THSD7A: variants seen among roughly 807,000 people sequenced by gnomAD.
THSD7A encodes thrombospondin type-1 domain-containing protein 7A.
A neutral mutation model predicts 231.3 loss-of-function variants in THSD7A; 96 were observed. That is an observed-to-expected ratio of 0.41 (90% CI 0.35 to 0.49). THSD7A has a LOEUF of 0.49. Among genes scored for constraint, THSD7A ranks in the 20% least tolerant of loss-of-function variants. The probability of loss-of-function intolerance (pLI) is 0.05; values close to 1 mark genes in which losing one functional copy is unlikely to be tolerated. For synonymous variants in THSD7A, 940 were observed against 743.3 expected (o/e 1.26, Z -4.30); for missense variants, 2,290 against 2,070.2 (o/e 1.11, Z -2.06).
chr7:11,741,583 C>T (rs1562521252), intron 1 of THSD7A, among the ~76,000 whole-genome samples: 1 of 151,822 alleles, frequency 6.6e-6, no homozygotes, highest in Non-Finnish European at 1.5e-5. Flanking sequence ...GAATATTAGA[C>T]AAGTGAAACT....
At position 11,543,081 on chromosome 7, in the gene THSD7A, G is replaced by C. The variant is rs770493930; in HGVS notation, c.1490C>G (p.Pro497Arg). The C allele has an allele frequency of 3.1e-6, 5 of 1,612,958 alleles. No individual in the cohort carries two copies. The highest frequency in any genetic ancestry group is 8.5e-7 in the Non-Finnish European group (1 of 1,179,606). The change falls in exon 5 of 28, where the codon CCT (proline) becomes CGT (arginine). Residue 497 changes from proline (P) to arginine (R), a missense_variant. Physicochemically the swap from Pro to Arg is moderately radical, Grantham distance 103. Transcript: ENST00000423059. ...KPMDLKLCTGPIPNTTQLCHI... is the reference protein window; with the variant it reads ...KPMDLKLCTGRIPNTTQLCHI... ...GCACAGCTGTGTAGTATTAGGGATA[G>C]GTCCAGTGCATAATTTTAAGTCCAT...
intron 17 of THSD7A, among the ~76,000 whole-genome samples, chr7:11,416,825 C>A (rs1783977608): frequency 1.3e-5 from 2 of 152,122 alleles, no homozygotes; most frequent in Admixed American, 1.3e-4. Context: ...TGGATGAGCC[C>A]CTACTGGCTG....
At chr7:11,459,134 G>A (rs953694501) in intron 11 of THSD7A, among the ~76,000 whole-genome samples, 1 of 151,666 alleles carries the variant, frequency 6.6e-6, no homozygotes, top group Non-Finnish European at 1.5e-5. Flanking sequence ...TGATCTCTGG[G>A]TATTGTTTGT....
chr7:11,401,771 G>C, intron 23 of THSD7A, 24 bp downstream of exon 23: 1 of 1,572,522 alleles, frequency 6.4e-7, no homozygotes, highest in East Asian at 2.3e-5. Context: ...GCTTAAGATA[G>C]AGTATATGAA....
chr7:11,585,523 C>T (rs529343949), intron 4 of THSD7A, among the ~76,000 whole-genome samples: 2 of 152,246 alleles, frequency 1.3e-5, no homozygotes, highest in East Asian at 1.9e-4. Context: ...AAGTTCCCAC[C>T]GCATACGTCT....
At chr7:11,461,904 A>G in intron 10 of THSD7A, 107 bp downstream of exon 10, 20 of 1,382,370 alleles carry the variant, frequency 1.4e-5, no homozygotes, top group Non-Finnish European at 1.9e-5. Context: ...AACTCCATTG[A>G]GCCTGTGGAA....
chr7:11,538,453 G>C (rs1488962135), intron 6 of THSD7A, among the ~76,000 whole-genome samples: 1 of 152,098 alleles, frequency 6.6e-6, no homozygotes, highest in Non-Finnish European at 1.5e-5. Context: ...AGCCTGGTTT[G>C]TTCAGCCTCT....
intron 1 of THSD7A, among the ~76,000 whole-genome samples, chr7:11,643,770 C>T (rs945957741): frequency 1.3e-5 from 2 of 151,912 alleles, no homozygotes; most frequent in African/African-American, 2.4e-5. Context: ...TTAGGTCTTT[C>T]CTGATTATTT....
chr7:11,390,729 T>C (rs1207415623), intron 23 of THSD7A, among the ~76,000 whole-genome samples: 2 of 152,378 alleles, frequency 1.3e-5, no homozygotes, highest in South Asian at 4.1e-4. Flanking sequence ...CTTCGTGGAT[T>C]TATCTACCAT....
intron 1 of THSD7A, among the ~76,000 whole-genome samples, chr7:11,653,005 C>A (rs1371195592): frequency 6.6e-6 from 1 of 151,812 alleles, no homozygotes; most frequent in Non-Finnish European, 1.5e-5. Context: ...TTTTTAGTAA[C>A]ATCTTCTCAA....
chr7:11,683,802 G>C (rs1288413756), intron 1 of THSD7A, among the ~76,000 whole-genome samples: 3 of 151,916 alleles, frequency 2.0e-5, no homozygotes, highest in African/African-American at 7.2e-5. Context: ...GTACAAACAA[G>C]AGCCAGTATC....
At chr7:11,421,427 C>T (rs996392009) in intron 16 of THSD7A, among the ~76,000 whole-genome samples, 13 of 150,040 alleles carry the variant, frequency 8.7e-5, no homozygotes, top group Non-Finnish European at 1.8e-4. Context: ...TTCCTGAAGG[C>T]TCCCGAGCCA....
chr7:11,775,629 G>C (rs781153570), intron 1 of THSD7A, among the ~76,000 whole-genome samples: 2 of 152,120 alleles, frequency 1.3e-5, no homozygotes, highest in Admixed American at 6.5e-5. Flanking sequence ...GAAGTACCTA[G>C]AATAGTCAAA....
intron 10 of THSD7A, among the ~76,000 whole-genome samples, chr7:11,461,742 T>C (rs200321213): frequency 6.6e-6 from 1 of 152,228 alleles, no homozygotes; most frequent in East Asian, 1.9e-4. Flanking sequence ...ATTTCTTGTA[T>C]GTTATATCAA....
chr7:11,695,317 GTTA>G (rs1245573529), intron 1 of THSD7A, among the ~76,000 whole-genome samples: 1 of 151,372 alleles, frequency 6.6e-6, no homozygotes, highest in African/African-American at 2.4e-5. Flanking sequence ...CCTAAAACTG[GTTA>G]TTGATTCATT....
intron 1 of THSD7A, among the ~76,000 whole-genome samples, chr7:11,805,203 C>T (rs1371528348): frequency 1.3e-5 from 2 of 152,162 alleles, no homozygotes; most frequent in Non-Finnish European, 2.9e-5. Flanking sequence ...CATGTTCCCA[C>T]TGCAATAATA....
At chr7:11,805,763 T>C (rs758615580) in intron 1 of THSD7A, among the ~76,000 whole-genome samples, 2 of 152,094 alleles carry the variant, frequency 1.3e-5, no homozygotes, top group Non-Finnish European at 2.9e-5. Context: ...AACCACAACA[T>C]TTCTATTCAG....
At chr7:11,738,033 C>A (rs1324459590) in intron 1 of THSD7A, among the ~76,000 whole-genome samples, 1 of 139,890 alleles carries the variant, frequency 7.1e-6, no homozygotes, top group Admixed American at 6.9e-5. Context: ...ATTTATATAT[C>A]TATATCTATC....
At chr7:11,721,454 G>T (rs994173177) in intron 1 of THSD7A, among the ~76,000 whole-genome samples, 1 of 151,658 alleles carries the variant, frequency 6.6e-6, no homozygotes, top group African/African-American at 2.4e-5. Context: ...CTGCCCCTTT[G>T]CCTTCTGCCA....
Sources: allele counts gnomAD v4.1 joint callset (sites outside exome capture counted in the v4.1 genomes callset), GRCh38; gene constraint gnomAD v4.1.1; transcripts MANE v1.5; gene names NCBI Gene and HGNC (gene_info 2026-07-23, HGNC 2026-07-21).